The following SPEG variants were observed in gnomAD, a reference collection of about 807,000 sequenced individuals.
The protein encoded by SPEG is striated muscle enriched protein kinase.
Under a neutral mutation model 300.4 loss-of-function variants are expected in SPEG, and 114 were observed. The ratio of observed to expected loss-of-function variants is 0.38; its 90% CI spans 0.33 to 0.44. The LOEUF (loss-of-function observed/expected upper bound fraction) is 0.44. Among genes scored for constraint, SPEG ranks in the 20% least tolerant of loss-of-function variants. The pLI is 1.00. For synonymous variants in SPEG, 1,964 were observed against 2,018.9 expected, an observed-to-expected ratio of 0.97 and a Z score of 0.73; for missense variants, 4,201 against 4,586.2, an observed-to-expected ratio of 0.92 and a Z score of 2.43.
At chr2:219,442,978 A>G (rs542526488) in intron 1 of SPEG, 3 of 743,448 alleles carry the variant, frequency 4.0e-6, no homozygotes, top group Admixed American at 4.2e-5. Flanking sequence ...GTCTCTGCCC[A>G]CCTCCCCTCT....
At chr2:219,492,540 C>T (rs1049937082) in intron 40 of SPEG, 54 bp from the exon 41 acceptor site, 21 of 1,569,172 alleles carry the variant, frequency 1.3e-5, no homozygotes, top group Middle Eastern at 1.7e-4. Context: ...GACAGAGCCC[C>T]GGCAGCTCCC....
intron 28 of SPEG, 150 bp from the exon 29 acceptor site, chr2:219,482,633 AG>A (rs1692958268): frequency 4.5e-6 from 3 of 662,974 alleles, no homozygotes; most frequent in Non-Finnish European, 2.7e-6. Flanking sequence ...TGACAGACCC[AG>A]GGGGAAGGGG....
rs775175041 is a variant in SPEG at position 219,448,925 on chromosome 2, G to T, written c.1767G>T (p.Glu589Asp). 9 of 1,486,390 alleles carry T rather than the reference G, an allele frequency of 6.1e-6. No homozygotes were observed. The highest frequency in any genetic ancestry group is 8.0e-6 in the Non-Finnish European group (9 of 1,123,702). The allele number at this position is 1,486,390 out of a possible 1,614,324, so 92.1% of individuals were successfully genotyped here. A position where few individuals can be genotyped will look rare whatever the true frequency, so the allele number is the denominator to read the frequency against. ...AGCCGGGGGAAGGCCCGCAGCAGGA[G>T]GTTAGGCGTCGGGACCAATTCCCGC... ...RTEPGEGPQQ[E>D]VRRRDQFPLT... is the part of the protein sequence containing the mutation. The change falls in exon 4 of 41, where the codon GAG becomes GAT. Residue 589 changes from glutamate (E) to aspartate (D), a missense_variant. Physicochemically the swap from Glu to Asp is conservative, Grantham distance 45. Coordinates refer to ENST00000312358, the MANE Select transcript of SPEG (RefSeq NM_005876.5).
intron 1 of SPEG, 101 bp downstream of exon 1, chr2:219,435,466 C>T: frequency 7.9e-7 from 1 of 1,260,968 alleles, no homozygotes; most frequent in Non-Finnish European, 1.0e-6. Flanking sequence ...ACTGGTTCCG[C>T]CGCCTTCTTC....
chr2:219,442,537 C>T (rs1484864034), intron 1 of SPEG, among the ~76,000 whole-genome samples: 3 of 151,542 alleles, frequency 2.0e-5, no homozygotes, highest in Non-Finnish European at 4.4e-5. Flanking sequence ...AATACATTCC[C>T]CAAGCCCTGC....
intron 13 of SPEG, among the ~76,000 whole-genome samples, chr2:219,470,617 A>C (rs1414065833): frequency 2.6e-5 from 4 of 152,218 alleles, no homozygotes; most frequent in Admixed American, 2.6e-4. Context: ...ATAACTGCAA[A>C]GAGAAGGGAA....
chr2:219,492,287 C>T, intron 40 of SPEG, 27 bp downstream of exon 40: 1 of 1,600,194 alleles, frequency 6.2e-7, no homozygotes, highest in Non-Finnish European at 8.5e-7. Flanking sequence ...CCTGCTATCC[C>T]CCAGTGTTAC....
At chr2:219,483,070 A>G in intron 29 of SPEG, 28 bp from the exon 30 acceptor site, 1 of 1,589,010 alleles carries the variant, frequency 6.3e-7, no homozygotes, top group African/African-American at 1.3e-5. Flanking sequence ...GGGGTCCCTC[A>G]GGTCTGACTC....
In SPEG at chr2:219,464,663, C is replaced by G. The variant is rs1303197091; in HGVS notation, c.2881+55C>G. The G allele has an allele frequency of 6.4e-7, 1 of 1,558,378 alleles. No homozygotes were observed. Among genetic ancestry groups the G allele is most frequent in the East Asian group, 2.3e-5 (1 of 44,310 alleles). On this transcript the variant is annotated intron_variant, in intron 9 of 40. Coordinates refer to ENST00000312358, the MANE Select transcript of SPEG (RefSeq NM_005876.5). The surrounding 1 kb of genome is among the most constrained non-coding windows in gnomAD (Gnocchi z 4.5). ...ACCTGGCCCTGGCCCCTTCCTTCCC[C>G]CACTGTCTGCTCTCACACAGCCTCA...
At position 219,435,081 on chromosome 2, in the gene SPEG, C is replaced by G. The variant is rs2125183081; in HGVS notation, c.104C>G (p.Ala35Gly). ...GCCAAGGTGGGGGCCGGCGGCGGGG[C>G]TCCTGTGGCCGTGGCCGGGGCGCCA... is the stretch of plus-strand genomic sequence containing the variant. ...KRAKVGAGGG[A>G]PVAVAGAPVF... Residue 35 changes from alanine to glycine, a missense_variant, in exon 1 of 41, where the codon GCT becomes GGT. By Grantham distance (60) the Ala-to-Gly change is moderately conservative (BLOSUM62 0). Transcript: ENST00000312358. The G allele has an allele frequency of 6.8e-7, 1 of 1,466,316 alleles. No homozygotes were observed. The highest frequency in any genetic ancestry group is 8.9e-7 in the Non-Finnish European group (1 of 1,119,092). The allele number at this position is 1,466,316 out of a possible 1,614,324, so 90.8% of individuals were successfully genotyped here.
chr2:219,447,472 T>G (rs1402547138), intron 3 of SPEG, among the ~76,000 whole-genome samples: 1 of 152,046 alleles, frequency 6.6e-6, no homozygotes, highest in Non-Finnish European at 1.5e-5. Context: ...CAGGAGGCTG[T>G]TGCTTGGCTT....
At chr2:219,463,781 T>C (rs1309011559) in intron 8 of SPEG, among the ~76,000 whole-genome samples, 2 of 151,946 alleles carry the variant, frequency 1.3e-5, no homozygotes, top group African/African-American at 4.8e-5. Flanking sequence ...TATCTGTCCA[T>C]TATAAATAAA....
rs772853421 is a variant in SPEG at position 219,448,208 on chromosome 2, C to T, written c.1050C>T (p.Thr350=). ...CTGTGCTGCCCGAGGACACCACCAC[C>T]GAAGAGAAGCGAGGGAAGAAGTCCA... ...QEPVLPEDTT[T]EEKRGKKSKS... The change falls in exon 4 of 41, where the codon ACC becomes ACT. Residue 350 remains threonine, a synonymous_variant. Coordinates refer to ENST00000312358, the MANE Select transcript of SPEG (RefSeq NM_005876.5). The T allele has an allele frequency of 2.5e-6, 4 of 1,612,500 alleles. No individual in the cohort carries two copies. The East Asian group carries it at 8.9e-5, about 36-fold the overall frequency.
rs775824354 is a variant in SPEG at position 219,451,753 on chromosome 2, G to A, written c.2386G>A (p.Ala796Thr). 5.1e-6 allele frequency: 8 copies of A among 1,557,400 alleles called. No homozygotes were observed. The highest frequency in any genetic ancestry group is 1.2e-5 in the South Asian group (1 of 84,356). The change falls in exon 6 of 41, where the codon GCC (alanine) becomes ACC (threonine). Residue 796 changes from alanine to threonine, a missense_variant. Ala to Thr is a moderately conservative substitution (Grantham distance 58). Coordinates refer to ENST00000312358, the MANE Select transcript of SPEG (RefSeq NM_005876.5). The surrounding 1 kb of genome is among the most constrained non-coding windows in gnomAD (Gnocchi z 6.4). Reference protein sequence around the residue: ...AADAGSYMATATNELGQATCA... With the variant: ...AADAGSYMATTTNELGQATCA... ...AGATGCCGGGAGCTATATGGCCACC[G>A]CCACCAACGAGCTGGGCCAGGCCAC...
intron 18 of SPEG, among the ~76,000 whole-genome samples, chr2:219,474,906 C>T (rs1392765953): frequency 6.6e-6 from 1 of 151,314 alleles, no homozygotes; most frequent in Non-Finnish European, 1.5e-5. Flanking sequence ...CCTCAGGCTG[C>T]CAAGTAGCTG....
chr2:219,489,886 T>C lies in SPEG; in HGVS notation c.8868T>C (p.Thr2956=), dbSNP rs752858691. The stretch of plus-strand genomic sequence containing the variant: ...GCTCTCCCAGGCCTGAGGGTACCAC[T>C]CTTCGACAGGGTCCCCCTCAGAAAC... ...PRSSPRPEGT[T]LRQGPPQKPY... Residue 2956 remains threonine, a synonymous_variant, in exon 36 of 41, where the codon ACT becomes ACC. Transcript: ENST00000312358. 6.2e-6 allele frequency: 10 copies of C among 1,600,120 alleles called. No homozygotes were observed. The Admixed American group carries it at 1.2e-4, about 19-fold the overall frequency.
Position 219,479,858 on chromosome 2 carries a change from A to G in SPEG, c.5161A>G (p.Lys1721Glu). The change falls in exon 24 of 41, where the codon AAG becomes GAG. Residue 1721 changes from lysine (K) to glutamate (E), a missense_variant and splice_region_variant. Coordinates refer to ENST00000312358, the MANE Select transcript of SPEG (RefSeq NM_005876.5). This position sits in a 1 kb window ranked among gnomAD's most constrained non-coding sequence, Gnocchi z 5.5. The part of the protein sequence containing the change: ...HQSHVLHLDV[K>E]PENLLVWDGA... ...GAGCCACGTGCTGCACCTCGATGTC[A>G]AGGTGAGGTGGGGACTGGAGAGCAG... 1 of 1,614,034 alleles carries G rather than the reference A, an allele frequency of 6.2e-7. No homozygotes were observed. Among genetic ancestry groups the G allele is most frequent in the Non-Finnish European group, 8.5e-7 (1 of 1,179,952 alleles).
intron 38 of SPEG, among the ~76,000 whole-genome samples, chr2:219,491,409 A>T (rs1693961105): frequency 6.6e-6 from 1 of 152,112 alleles, no homozygotes; most frequent in African/African-American, 2.4e-5. Context: ...AGGGTCCCAT[A>T]GCTAGAAGGG....
rs1454784472 is a variant in SPEG at position 219,448,846 on chromosome 2, A to G, written c.1688A>G (p.Lys563Arg). The change falls in exon 4 of 41, where the codon AAG becomes AGG. Residue 563 changes from lysine to arginine, a missense_variant. Transcript: ENST00000312358. Reference protein sequence around the residue: ...AQPPSPSSAEKPGDEPGRPRS... With the variant: ...AQPPSPSSAERPGDEPGRPRS... ...CCGCCCTCTCCGAGCAGCGCGGAGA[A>G]GCCGGGGGACGAGCCTGGGAGGCCC... The G allele has an allele frequency of 1.6e-5, 22 of 1,400,312 alleles. No individual in the cohort carries two copies. Among genetic ancestry groups the G allele is most frequent in the Non-Finnish European group, 2.0e-5 (22 of 1,085,552 alleles). The allele number at this position is 1,400,312 out of a possible 1,614,324, so 86.7% of individuals were successfully genotyped here. A position where few individuals can be genotyped will look rare whatever the true frequency, so the allele number is the denominator to read the frequency against.
Sources: gnomAD v4.1 joint callset for allele counts (sites outside exome capture counted in the v4.1 genomes callset) on GRCh38, gnomAD v4.1.1 for gene constraint, Gnocchi (gnomAD v3.1) non-coding constraint, MANE v1.5 for transcripts, NCBI Gene and HGNC (gene_info 2026-07-23, HGNC 2026-07-21) for gene names.